PPIB: variants seen among roughly 807,000 people sequenced by gnomAD.
PPIB encodes the protein peptidyl-prolyl cis-trans isomerase B.
Under a neutral mutation model 20.1 loss-of-function variants are expected in PPIB, and 15 were observed. The ratio of observed to expected loss-of-function variants is 0.75; its 90% CI spans 0.50 to 1.15. PPIB has a LOEUF of 1.15. Ranked by LOEUF, PPIB falls within the 50% of genes most tolerant of loss-of-function variation. The pLI, the probability that PPIB is intolerant of heterozygous loss-of-function variation, is 0.00. For missense variants in PPIB, 278 were observed against 283.0 expected, an observed-to-expected ratio of 0.98 and a Z score of 0.13; for synonymous variants, 129 against 111.0, an observed-to-expected ratio of 1.16 and a Z score of -1.02.
Position 64,156,374 on chromosome 15 carries a change from CAAGGGT to C in PPIB, c.529-235_529-230del. 1 of 667,168 alleles carries C rather than the reference CAAGGGT, an allele frequency of 1.5e-6. No homozygotes were observed. Among genetic ancestry groups the C allele is most frequent in the Non-Finnish European group, 2.6e-6 (1 of 381,014 alleles). The allele number at this position is 667,168 out of a possible 1,614,324, so 41.3% of individuals were successfully genotyped here. On this transcript the variant is annotated intron_variant, in intron 4 of 4. Transcript: ENST00000300026. The surrounding 1 kb of genome is among the most constrained non-coding windows in gnomAD (Gnocchi z 6.4). ...CTTTGAAGTAAGACCCAGGTTGGGC[CAAGGGT>C]GAGGAGGAGGAAGAGGGTGACCAGG...
Position 64,157,925 on chromosome 15 carries a change from GC to G in PPIB, c.344-1017del, listed in dbSNP as rs1170464468. Among the ~76,000 whole-genome samples the G allele has an allele frequency of 6.6e-6, 1 of 152,150 alleles. No homozygotes were observed. Among genetic ancestry groups the G allele is most frequent in the African/African-American group, 2.4e-5 (1 of 41,436 alleles). ...CCTGTGCTCCACCTCTCACCCCCAC[GC>G]TGGGGAGACTGGACTCTGCCACATG... is the stretch of plus-strand genomic sequence containing the variant. On this transcript the variant is annotated intron_variant, in intron 3 of 4. Transcript: ENST00000300026. This position sits in a 1 kb window ranked among gnomAD's most constrained non-coding sequence, Gnocchi z 4.2.
chr15:64,162,764 G>A, intron 1 of PPIB, 88 bp downstream of exon 1: 1 of 1,550,636 alleles, frequency 6.4e-7, no homozygotes, highest in Non-Finnish European at 8.7e-7. Flanking sequence ...ACAGACAGAA[G>A]CCGAGGGAGG....
At position 64,159,976 on chromosome 15, in the gene PPIB, G is replaced by A. The variant is rs945080920; in HGVS notation, c.343+128C>T. 1 of 812,490 alleles carries A rather than the reference G, an allele frequency of 1.2e-6. No homozygotes were observed. The allele number at this position is 812,490 out of a possible 1,614,324, so 50.3% of individuals were successfully genotyped here. A position where few individuals can be genotyped will look rare whatever the true frequency, so the allele number is the denominator to read the frequency against. On this transcript the variant is annotated intron_variant, in intron 3 of 4. Transcript: ENST00000300026. The surrounding 1 kb of genome is among the most constrained non-coding windows in gnomAD (Gnocchi z 5.1). The stretch of plus-strand genomic sequence containing the variant: ...GAAGGGTGCCGCTGGTCTCAAAGTA[G>A]GTAAGTAATAAGTAGGCCTGCCTCT...
At position 64,160,786 on chromosome 15, in the gene PPIB, AC is replaced by A. The variant is rs1218731348; in HGVS notation, c.250-590del. On this transcript the variant is annotated intron_variant, in intron 2 of 4. Coordinates refer to ENST00000300026, the MANE Select transcript of PPIB (RefSeq NM_000942.5). This position sits in a 1 kb window ranked among gnomAD's most constrained non-coding sequence, Gnocchi z 4.8. ...CTCAGCCTCCTGAGTAGCTGGGATT[AC>A]AGGCATGTGCCACCACAATGCCCAG... Among the ~76,000 whole-genome samples the A allele has an allele frequency of 6.6e-6, 1 of 151,918 alleles. No homozygotes were observed. Among genetic ancestry groups the A allele is most frequent in the African/African-American group, 2.4e-5 (1 of 41,346 alleles).
rs190873800 is a variant in PPIB, at chr15:64,157,893, G to A, written c.344-984C>T. On this transcript the variant is annotated intron_variant, in intron 3 of 4. Transcript: ENST00000300026. The surrounding 1 kb of genome is among the most constrained non-coding windows in gnomAD (Gnocchi z 4.2). ...AGACTCTGGCTGGTGGGGACAGGGT[G>A]CTTCTGCCTGTGCTCCACCTCTCAC... 2.6e-3 allele frequency among the ~76,000 whole-genome samples: 402 copies of A among 152,252 alleles called. 3 individuals are homozygous for A. Among genetic ancestry groups the A allele is most frequent in the Admixed American group, 4.7e-3 (72 of 15,302 alleles).
Position 64,161,882 on chromosome 15 carries a change from T to C in PPIB, c.249+159A>G, listed in dbSNP as rs1282651212. Among the ~76,000 whole-genome samples the C allele has an allele frequency of 6.6e-6, 1 of 152,124 alleles. No individual in the cohort carries two copies. The highest frequency in any genetic ancestry group is 2.4e-5 in the African/African-American group (1 of 41,404). ...CTGTGCCTGGTCAGGGCCCCATTAC[T>C]CTTAAGAAAGGGCAATACTGTGTTC... On this transcript the variant is annotated intron_variant, in intron 2 of 4. Transcript: ENST00000300026. The surrounding 1 kb of genome is among the most constrained non-coding windows in gnomAD (Gnocchi z 4.2).
chr15:64,159,697 C>T lies in PPIB; in HGVS notation c.343+407G>A. 2 of 306,914 alleles carry T rather than the reference C, an allele frequency of 6.5e-6. No individual in the cohort carries two copies. The highest frequency in any genetic ancestry group is 6.3e-5 in the South Asian group (2 of 31,956). 19.0% of individuals were successfully genotyped at this position (306,914 alleles called of 1,614,324 possible). ...GATCACAGAGTCACCACGCCTGGCC[C>T]TCTCACTCTTGCTGGGGCTTCCAGG... On this transcript the variant is annotated intron_variant, in intron 3 of 4. Transcript: ENST00000300026. The surrounding 1 kb of genome is among the most constrained non-coding windows in gnomAD (Gnocchi z 5.1).
rs560984585 is a variant in PPIB, at chr15:64,160,358, C to T, written c.250-161G>A. Among the ~76,000 whole-genome samples, 7 of 152,322 alleles carry T rather than the reference C, an allele frequency of 4.6e-5. No homozygotes were observed. The East Asian group carries it at 5.8e-4, about 13-fold the overall frequency. The stretch of plus-strand genomic sequence containing the variant: ...GTGTGCTACTAAGTGAGCGGGCAGG[C>T]GCCACAGGACAGGCATGGTACACAC... On this transcript the variant is annotated intron_variant, in intron 2 of 4. Transcript: ENST00000300026. This position sits in a 1 kb window ranked among gnomAD's most constrained non-coding sequence, Gnocchi z 4.8.
rs76209527 is a variant in PPIB at position 64,161,725 on chromosome 15, C to A, written c.249+316G>T. On this transcript the variant is annotated intron_variant, in intron 2 of 4. Coordinates refer to ENST00000300026, the MANE Select transcript of PPIB (RefSeq NM_000942.5). The surrounding 1 kb of genome is among the most constrained non-coding windows in gnomAD (Gnocchi z 4.2). ...AGGCGACAAGAGTGAAACTCCGTCT[C>A]AAAAAAAAAAAAAAATTTGCGGGGG... Among the ~76,000 whole-genome samples the A allele has an allele frequency of 7.5e-4, 102 of 135,198 alleles. 1 individual carries two copies. Among genetic ancestry groups the A allele is most frequent in the African/African-American group, 2.1e-3 (79 of 37,338 alleles). 88.7% of individuals were successfully genotyped at this position (135,198 alleles called of 152,430 possible).
chr15:64,162,047 T>A lies in PPIB; in HGVS notation c.243A>T (p.Thr81=), dbSNP rs1452680175. ...CCCTGCTCCAGCCACTTACCTCTCCTGTAGCTAAGGCCACAAAATTATCCA... is the reference window on the plus strand; with the variant it reads ...CCCTGCTCCAGCCACTTACCTCTCCAGTAGCTAAGGCCACAAAATTATCCA... ...KTVDNFVALA[T]GEKGFGYKNS... is the part of the protein sequence containing the mutation. The change falls in exon 2 of 5, where the codon ACA becomes ACT. Residue 81 remains threonine, a synonymous_variant. Coordinates refer to ENST00000300026, the MANE Select transcript of PPIB (RefSeq NM_000942.5). 22 of 1,610,464 alleles carry A rather than the reference T, an allele frequency of 1.4e-5. No individual in the cohort carries two copies. The highest frequency in any genetic ancestry group is 1.4e-5 in the Non-Finnish European group (16 of 1,176,752).
chr15:64,156,559 T>G lies in PPIB; in HGVS notation c.528+166A>C. The stretch of plus-strand genomic sequence containing the variant: ...GAGGGGGCTGGAAGAATTTAGAACC[T>G]TGGAGGCATGGAGGTACAGGGTTTA... On this transcript the variant is annotated intron_variant, in intron 4 of 4. Transcript: ENST00000300026. This position sits in a 1 kb window ranked among gnomAD's most constrained non-coding sequence, Gnocchi z 6.4. The G allele has an allele frequency of 3.4e-6, 3 of 892,390 alleles. No homozygotes were observed. Among genetic ancestry groups the G allele is most frequent in the Non-Finnish European group, 5.5e-6 (3 of 544,646 alleles). The allele number at this position is 892,390 out of a possible 1,614,324, so 55.3% of individuals were successfully genotyped here. A position where few individuals can be genotyped will look rare whatever the true frequency, so the allele number is the denominator to read the frequency against.
chr15:64,162,752 C>G, intron 1 of PPIB, 100 bp downstream of exon 1: 1 of 1,539,488 alleles, frequency 6.5e-7, no homozygotes, highest in Middle Eastern at 2.3e-4. Flanking sequence ...CGCCACGAGG[C>G]CACAGACAGA....
rs534785431 is a variant in PPIB, at chr15:64,160,680, CTT to C, written c.250-485_250-484del. On this transcript the variant is annotated intron_variant, in intron 2 of 4. Coordinates refer to ENST00000300026, the MANE Select transcript of PPIB (RefSeq NM_000942.5). The surrounding 1 kb of genome is among the most constrained non-coding windows in gnomAD (Gnocchi z 4.8). Reference sequence around the variant, plus strand: ...TATTTTTTTGAGACAGAGTTTCTCTCTTGTCACCCAGGCTGGAGTGCAATGGC... The same window carrying C: ...TATTTTTTTGAGACAGAGTTTCTCTCGTCACCCAGGCTGGAGTGCAATGGC... 1.7e-3 allele frequency among the ~76,000 whole-genome samples: 254 copies of C among 152,256 alleles called. 2 individuals carry two copies. The highest frequency in any genetic ancestry group is 5.8e-3 in the African/African-American group (242 of 41,548).
rs777799513 is a variant in PPIB at position 64,156,763 on chromosome 15, C to G, written c.490G>C (p.Gly164Arg). The change falls in exon 4 of 5, where the codon GGC (glycine) becomes CGC (arginine). Residue 164 changes from glycine to arginine, a missense_variant. Gly to Arg is a moderately radical substitution (Grantham distance 125). Coordinates refer to ENST00000300026, the MANE Select transcript of PPIB (RefSeq NM_000942.5). This position sits in a 1 kb window ranked among gnomAD's most constrained non-coding sequence, Gnocchi z 6.4. ...ITTVKTAWLD[G>R]KHVVFGKVLE... is the part of the protein sequence containing the mutation. ...ACTTTGCCAAACACCACATGCTTGC[C>G]ATCTAGCCAGGCTGTCTTGACTGTC... The G allele has an allele frequency of 6.2e-7, 1 of 1,614,204 alleles. No homozygotes were observed. The highest frequency in any genetic ancestry group is 8.5e-7 in the Non-Finnish European group (1 of 1,180,042).
chr15:64,162,299 T>TA (rs888618389), intron 1 of PPIB, 145 bp from the exon 2 acceptor site: 13 of 726,352 alleles, frequency 1.8e-5, no homozygotes, highest in African/African-American at 1.7e-4. Flanking sequence ...TTGGTGACGG[T>TA]AAAAATCCTA....
chr15:64,161,934 G>A lies in PPIB; in HGVS notation c.249+107C>T, dbSNP rs2081565632. ...CAGGGCAACAGGCAGTCGGTGCTCA[G>A]TGAGGTCCACGCTACAGATCGGCTG... On this transcript the variant is annotated intron_variant, in intron 2 of 4. Coordinates refer to ENST00000300026, the MANE Select transcript of PPIB (RefSeq NM_000942.5). The surrounding 1 kb of genome is among the most constrained non-coding windows in gnomAD (Gnocchi z 4.2). The A allele has an allele frequency of 1.2e-6, 1 of 839,062 alleles. No homozygotes were observed. The highest frequency in any genetic ancestry group is 2.1e-6 in the Non-Finnish European group (1 of 477,080). The allele number at this position is 839,062 out of a possible 1,614,324, so 52.0% of individuals were successfully genotyped here.
rs979990024 is a variant in PPIB, at chr15:64,158,075, T to C, written c.344-1166A>G. Among the ~76,000 whole-genome samples, 2 of 152,220 alleles carry C rather than the reference T, an allele frequency of 1.3e-5. No homozygotes were observed. The highest frequency in any genetic ancestry group is 4.8e-5 in the African/African-American group (2 of 41,466). On this transcript the variant is annotated intron_variant, in intron 3 of 4. Coordinates refer to ENST00000300026, the MANE Select transcript of PPIB (RefSeq NM_000942.5). The surrounding 1 kb of genome is among the most constrained non-coding windows in gnomAD (Gnocchi z 4.7). ...TCCATCCTTAGCTCCAGCCACTCTCTCAAGATACAGGGGTTCCAAACTCAA... is the reference window on the plus strand; with the variant it reads ...TCCATCCTTAGCTCCAGCCACTCTCCCAAGATACAGGGGTTCCAAACTCAA...
At chr15:64,162,743 G>T (rs768288186) in intron 1 of PPIB, 109 bp downstream of exon 1, 3 of 1,521,500 alleles carry the variant, frequency 2.0e-6, no homozygotes, top group Non-Finnish European at 2.7e-6. Context: ...CGGCCCAGAC[G>T]CCACGAGGCC....
Position 64,161,216 on chromosome 15 carries a change from C to G in PPIB, c.249+825G>C, listed in dbSNP as rs150277449. On this transcript the variant is annotated intron_variant, in intron 2 of 4. Transcript: ENST00000300026. This position sits in a 1 kb window ranked among gnomAD's most constrained non-coding sequence, Gnocchi z 4.2. ...ACCTCAGGTGATCTACCCGCCTCAG[C>G]CTCCCAAAGTGCTGGGACTACAGGC... 0.012 allele frequency among the ~76,000 whole-genome samples: 1,813 copies of G among 152,148 alleles called. 38 individuals carry two copies. Among genetic ancestry groups the G allele is most frequent in the African/African-American group, 0.042 (1,741 of 41,516 alleles).
Sources: gnomAD v4.1 joint callset for allele counts (sites outside exome capture counted in the v4.1 genomes callset) on GRCh38, gnomAD v4.1.1 for gene constraint, Gnocchi (gnomAD v3.1) non-coding constraint, MANE v1.5 for transcripts, NCBI Gene and HGNC (gene_info 2026-07-23, HGNC 2026-07-21) for gene names.